The following MAPT variants were observed in gnomAD, a reference collection of about 807,000 sequenced individuals.
MAPT encodes microtubule associated protein tau, also known as microtubule-associated protein tau.
In MAPT, 34 loss-of-function variants were observed where a neutral mutation model predicts 67.9. The ratio of observed to expected loss-of-function variants is 0.50; its 90% CI spans 0.38 to 0.67. The LOEUF (loss-of-function observed/expected upper bound fraction) is 0.67, where lower values mean the gene tolerates loss of function less well. Ranked by LOEUF, MAPT falls within the 30% of genes least tolerant of loss-of-function variation. The pLI, the probability that MAPT is intolerant of heterozygous loss-of-function variation, is 0.00. For missense variants in MAPT, 881 were observed against 1,115.2 expected (o/e 0.79, Z 2.99); for synonymous variants, 456 against 464.5 (o/e 0.98, Z 0.23).
intron 4 of MAPT, 63 bp from the exon 5 acceptor site, chr17:45,982,803 C>G (rs1024916928): frequency 1.0e-5 from 9 of 900,338 alleles, no homozygotes; most frequent in Non-Finnish European, 1.3e-5. Context: ...GGATGATGCT[C>G]CCTCTCTTAA....
At position 45,915,389 on chromosome 17, in the gene MAPT, A is replaced by G. The variant is rs540197799; in HGVS notation, c.-18+20703A>G. Among the ~76,000 whole-genome samples the G allele has an allele frequency of 2.1e-4, 30 of 145,496 alleles. No individual in the cohort carries two copies. Among genetic ancestry groups the G allele is most frequent in the Admixed American group, 1.0e-3 (15 of 14,610 alleles). On this transcript the variant is annotated intron_variant, in intron 1 of 12. Coordinates refer to ENST00000262410, the MANE Select transcript of MAPT (RefSeq NM_001377265.1). The surrounding 1 kb of genome is among the most constrained non-coding windows in gnomAD (Gnocchi z 4.4). The stretch of plus-strand genomic sequence containing the variant: ...GGTGTGTGTGGTGTGTGAGTTGTGT[A>G]TGGTGTGTGCATGAGCATGTGTGTG...
At chr17:45,927,756 T>C (rs557270241) in intron 1 of MAPT, among the ~76,000 whole-genome samples, 16 of 152,168 alleles carry the variant, frequency 1.1e-4, no homozygotes, top group African/African-American at 3.9e-4. Flanking sequence ...ATTCCAGCAC[T>C]TTGGGAGGCC....
intron 10 of MAPT, among the ~76,000 whole-genome samples, chr17:46,011,991 GT>G (rs1349640448): frequency 6.6e-6 from 1 of 152,130 alleles, no homozygotes; most frequent in African/African-American, 2.4e-5. Context: ...TGTCCCCCCA[GT>G]TTGTCTGCTG....
intron 1 of MAPT, among the ~76,000 whole-genome samples, chr17:45,927,387 G>A (rs182417280): frequency 6.6e-6 from 1 of 152,124 alleles, no homozygotes; most frequent in Non-Finnish European, 1.5e-5. Context: ...ACCCAAGTGT[G>A]GGAGGCCCAG....
rs2071701165 is a variant in MAPT, at chr17:45,971,764, A to G, written c.134-95A>G. On this transcript the variant is annotated intron_variant, in intron 2 of 12. Transcript: ENST00000262410. This position sits in a 1 kb window ranked among gnomAD's most constrained non-coding sequence, Gnocchi z 4.3. ...GCTGTTTCCACAGGGAGCGATTTTCAGCTCCACAGGACACTGCTCCCCAGT... is the reference window on the plus strand; with the variant it reads ...GCTGTTTCCACAGGGAGCGATTTTCGGCTCCACAGGACACTGCTCCCCAGT... 4.4e-6 allele frequency: 4 copies of G among 916,594 alleles called. No homozygotes were observed. In the Admixed American group the frequency reaches 7.3e-5, roughly 17 times the overall value. 56.8% of individuals were successfully genotyped at this position (916,594 alleles called of 1,614,324 possible). A position where few individuals can be genotyped will look rare whatever the true frequency, so the allele number is the denominator to read the frequency against.
intron 1 of MAPT, among the ~76,000 whole-genome samples, chr17:45,959,391 A>G (rs1455662018): frequency 6.6e-6 from 1 of 152,212 alleles, no homozygotes; most frequent in African/African-American, 2.4e-5. Flanking sequence ...CTCAGTGTTG[A>G]CAAGACTCAC....
At chr17:45,914,521 G>T (rs2065037955) in intron 1 of MAPT, among the ~76,000 whole-genome samples, 1 of 152,156 alleles carries the variant, frequency 6.6e-6, no homozygotes, top group Admixed American at 6.5e-5. Context: ...GAACAAGGCA[G>T]GTACTGTGTA....
At chr17:45,974,184 G>A (rs1340524335) in intron 3 of MAPT, 2 of 616,050 alleles carry the variant, frequency 3.2e-6, no homozygotes, top group Non-Finnish European at 5.9e-6. Context: ...TCATGAGCCA[G>A]AACCACTCAG....
At chr17:45,965,768 G>A (rs1371337909) in intron 2 of MAPT, among the ~76,000 whole-genome samples, 1 of 152,072 alleles carries the variant, frequency 6.6e-6, no homozygotes, top group African/African-American at 2.4e-5. Flanking sequence ...CAAGTGTCCT[G>A]ATTTGGGTGA....
At chr17:45,994,315 G>A (rs1226586407) in intron 8 of MAPT, among the ~76,000 whole-genome samples, 1 of 152,124 alleles carries the variant, frequency 6.6e-6, no homozygotes, top group Non-Finnish European at 1.5e-5. Flanking sequence ...TAAATAAGAG[G>A]CATGAAAAGT....
At chr17:46,007,120 A>C (rs1393228775) in intron 9 of MAPT, among the ~76,000 whole-genome samples, 1 of 151,942 alleles carries the variant, frequency 6.6e-6, no homozygotes, top group Non-Finnish European at 1.5e-5. Flanking sequence ...TGTACCCCAC[A>C]AGTATATACA....
At chr17:45,929,566 C>T (rs1045769773) in intron 1 of MAPT, among the ~76,000 whole-genome samples, 1 of 152,156 alleles carries the variant, frequency 6.6e-6, no homozygotes, top group African/African-American at 2.4e-5. Flanking sequence ...AGTAGTCTTT[C>T]CCCAGGTGAT....
chr17:45,913,508 C>T (rs1179808914), intron 1 of MAPT, among the ~76,000 whole-genome samples: 1 of 152,148 alleles, frequency 6.6e-6, no homozygotes, highest in African/African-American at 2.4e-5. Context: ...ATACCTGAAC[C>T]TTCCCTGGGA....
At position 45,956,697 on chromosome 17, in the gene MAPT, T is replaced by A. The variant is rs180808186; in HGVS notation, c.-17-5624T>A. On this transcript the variant is annotated intron_variant, in intron 1 of 12. Transcript: ENST00000262410. ...GTGCCATGTTGGTGTGCTGCACCCA[T>A]TAATTCATCATTTACATTAGGTATA... Among the ~76,000 whole-genome samples the A allele has an allele frequency of 5.1e-4, 77 of 151,758 alleles. No individual in the cohort carries two copies. In the East Asian group the frequency reaches 0.012, roughly 23 times the overall value.
At chr17:45,988,834 G>A (rs1399844432) in intron 6 of MAPT, among the ~76,000 whole-genome samples, 3 of 152,132 alleles carry the variant, frequency 2.0e-5, no homozygotes, top group South Asian at 2.1e-4. Flanking sequence ...GCAGTGAGCC[G>A]TGATGGCACC....
At chr17:45,909,081 C>A (rs1022188189) in intron 1 of MAPT, among the ~76,000 whole-genome samples, 7 of 152,222 alleles carry the variant, frequency 4.6e-5, no homozygotes, top group Non-Finnish European at 1.0e-4. Context: ...CTGCAGAGTG[C>A]GGGCACCTTG....
In MAPT at chr17:45,982,882, G is replaced by C; in HGVS notation, c.303G>C (p.Pro101=). ...TCAAACCAGAGGAGTTGAGAGTTCCGGGCCGGCAGAGGAAGGCGCCTGAAA... is the reference window on the plus strand; with the variant it reads ...TCAAACCAGAGGAGTTGAGAGTTCCCGGCCGGCAGAGGAAGGCGCCTGAAA... ...GHVTQEELRV[P]GRQRKAPERP... Residue 101 remains proline, a synonymous_variant, in exon 5 of 13, where the codon CCG becomes CCC. Transcript: ENST00000262410. 1 of 1,312,602 alleles carries C rather than the reference G, an allele frequency of 7.6e-7. No individual in the cohort carries two copies. The highest frequency in any genetic ancestry group is 9.7e-7 in the Non-Finnish European group (1 of 1,030,710). 81.3% of individuals were successfully genotyped at this position (1,312,602 alleles called of 1,614,324 possible). A position where few individuals can be genotyped will look rare whatever the true frequency, so the allele number is the denominator to read the frequency against.
intron 1 of MAPT, among the ~76,000 whole-genome samples, chr17:45,947,277 C>T (rs962181727): frequency 6.6e-6 from 1 of 152,054 alleles, no homozygotes; most frequent in African/African-American, 2.4e-5. Flanking sequence ...TTCTTAGAAG[C>T]TCAAAGTTGG....
At chr17:46,000,448 G>A (rs1279107918) in intron 9 of MAPT, among the ~76,000 whole-genome samples, 1 of 152,172 alleles carries the variant, frequency 6.6e-6, no homozygotes, top group Non-Finnish European at 1.5e-5. Context: ...CAGGCAAGGA[G>A]GAGGAGCTGG....
Sources: gnomAD v4.1 joint callset for allele counts (sites outside exome capture counted in the v4.1 genomes callset) on GRCh38, gnomAD v4.1.1 for gene constraint, Gnocchi (gnomAD v3.1) non-coding constraint, MANE v1.5 for transcripts, NCBI Gene and HGNC (gene_info 2026-07-23, HGNC 2026-07-21) for gene names.